PRAG1: variants seen among roughly 807,000 people sequenced by gnomAD.
The protein encoded by PRAG1 is inactive tyrosine-protein kinase PRAG1.
In PRAG1, 110 loss-of-function variants were observed where a neutral mutation model predicts 95.6. The ratio of observed to expected loss-of-function variants is 1.15; its 90% CI spans 0.99 to 1.35. The LOEUF is 1.35. Among genes scored for constraint, PRAG1 ranks in the 40% most tolerant of loss-of-function variants. The pLI is 0.00. For missense variants in PRAG1, 2,554 were observed against 1,864.7 expected (o/e 1.37, Z -6.81); for synonymous variants, 1,052 against 819.4 (o/e 1.28, Z -4.85).
intron 5 of PRAG1, among the ~76,000 whole-genome samples, chr8:8,325,217 G>C (rs1406876416): frequency 1.3e-5 from 2 of 152,200 alleles, no homozygotes; most frequent in African/African-American, 4.8e-5. Context: ...TGATGCTCCA[G>C]GGCCCCCACG....
intron 5 of PRAG1, among the ~76,000 whole-genome samples, chr8:8,325,240 A>C (rs1045866783): frequency 8.6e-5 from 13 of 151,950 alleles, no homozygotes; most frequent in African/African-American, 3.1e-4. Flanking sequence ...CCGCCCCCCC[A>C]ATGACCAGGC....
chr8:8,385,183 G>A (rs1297715922), intron 1 of PRAG1, among the ~76,000 whole-genome samples: 2 of 152,150 alleles, frequency 1.3e-5, no homozygotes, highest in Non-Finnish European at 2.9e-5. Context: ...TGCAACGCCA[G>A]TAAAAGGAAA....
chr8:8,378,137 G>A, intron 2 of PRAG1, 59 bp from the exon 3 acceptor site: 1 of 1,495,996 alleles, frequency 6.7e-7, no homozygotes, highest in Middle Eastern at 1.9e-4. Flanking sequence ...AAAAAAGAGA[G>A]AGAGGAAAAG....
rs186435071 is a variant in PRAG1, at chr8:8,363,801, T to C, written c.2162+12446A>G. On this transcript the variant is annotated intron_variant, in intron 3 of 5. Transcript: ENST00000615670. ...ATGCAGCTTTCCTTAAAAACAGACA[T>C]AGTGTTATTTTATGAAACTGTTTAT... Among the ~76,000 whole-genome samples the C allele has an allele frequency of 3.0e-4, 46 of 152,308 alleles. No homozygotes were observed. The East Asian group carries it at 3.8e-3, about 13-fold the overall frequency.
chr8:8,377,121 G>A lies in PRAG1; in HGVS notation c.1288C>T (p.Gln430Ter), dbSNP rs1286831456. ...KKAAPVPSKS[Q>*]AKIEHAAAAQ... ...GCAGCTGCATGTTCTATCTTGGCCT[G>A]TGACTTGGAAGGCACCGGAGCTGCC... is the stretch of plus-strand genomic sequence containing the variant. Residue 430 changes from glutamine to a stop codon, truncating the protein, a stop_gained, in exon 3 of 6, where the codon CAG (glutamine) becomes TAG (stop). Transcript: ENST00000615670. LOFTEE classifies it high-confidence loss of function. 1 of 1,613,176 alleles carries A rather than the reference G, an allele frequency of 6.2e-7. No homozygotes were observed.
chr8:8,376,357 G>A lies in PRAG1; in HGVS notation c.2052C>T (p.Asn684=), dbSNP rs769256348. ...TGCTCATCCCGGTCCCAACTTTGCTGTTCTGCCCAGAGGAGCCATCTGTGG... is the reference window on the plus strand; with the variant it reads ...TGCTCATCCCGGTCCCAACTTTGCTATTCTGCCCAGAGGAGCCATCTGTGG... ...LHPTDGSSGQ[N]SKVGTGMSKS... The change falls in exon 3 of 6, where the codon AAC becomes AAT. Residue 684 remains asparagine, a synonymous_variant. Coordinates refer to ENST00000615670, the MANE Select transcript of PRAG1 (RefSeq NM_001080826.3). The A allele has an allele frequency of 5.6e-6, 9 of 1,614,236 alleles. No homozygotes were observed. Among genetic ancestry groups the A allele is most frequent in the East Asian group, 2.2e-5 (1 of 44,882 alleles).
Position 8,318,851 on chromosome 8 carries a change from G to T in PRAG1, c.3524C>A (p.Ala1175Asp), listed in dbSNP as rs1273379234. ...AGAGGAGCAGGGAGGCGCGGCGGCG[G>T]CGGGGGCGGGAGCCGGGGCGGGGGC... ...APAPAPAPAP[A>D]AAAPPCSSAA... Residue 1175 changes from alanine (A) to aspartate (D), a missense_variant, in exon 6 of 6, where the codon GCC (alanine) becomes GAC (aspartate). By Grantham distance (126) the Ala-to-Asp change is moderately radical. Coordinates refer to ENST00000615670, the MANE Select transcript of PRAG1 (RefSeq NM_001080826.3). The surrounding 1 kb of genome is among the most constrained non-coding windows in gnomAD (Gnocchi z 4.2). 199 of 1,262,720 alleles carry T rather than the reference G, an allele frequency of 1.6e-4. No homozygotes were observed. Among genetic ancestry groups the T allele is most frequent in the Admixed American group, 2.2e-4 (5 of 22,234 alleles). 78.2% of individuals were successfully genotyped at this position (1,262,720 alleles called of 1,614,324 possible).
At position 8,328,464 on chromosome 8, in the gene PRAG1, G is replaced by C. The variant is rs767711445; in HGVS notation, c.2321-3C>G. The stretch of plus-strand genomic sequence containing the variant: ...GTGAGCCAGCTCAGACGAGGGACCT[G>C]AAGAGGAGAGACAGAAACCATAAGA... On this transcript the variant is annotated splice_polypyrimidine_tract_variant and splice_region_variant and intron_variant, in intron 4 of 5. Transcript: ENST00000615670. 6.2e-7 allele frequency: 1 copy of C among 1,613,060 alleles called. No individual in the cohort carries two copies. The highest frequency in any genetic ancestry group is 1.3e-5 in the African/African-American group (1 of 75,052).
chr8:8,339,016 T>G (rs1320934523), intron 4 of PRAG1, among the ~76,000 whole-genome samples: 1 of 152,168 alleles, frequency 6.6e-6, no homozygotes, highest in Non-Finnish European at 1.5e-5. Context: ...GTAGTCTTCA[T>G]GCTTAATTCA....
rs752826886 is a variant in PRAG1 at position 8,376,710 on chromosome 8, C to T, written c.1699G>A (p.Val567Met). Residue 567 changes from valine to methionine, a missense_variant, in exon 3 of 6, where the codon GTG (valine) becomes ATG (methionine). By Grantham distance (21) the Val-to-Met change is conservative (BLOSUM62 1). Coordinates refer to ENST00000615670, the MANE Select transcript of PRAG1 (RefSeq NM_001080826.3). ...PVSPSAGGPP[V>M]SPLADLSDGS... ...TCACTAAGGTCAGCCAGCGGTGACA[C>T]TGGGGGCCCTCCAGCAGACGGTGAC... 26 of 1,610,776 alleles carry T rather than the reference C, an allele frequency of 1.6e-5. No individual in the cohort carries two copies. The highest frequency in any genetic ancestry group is 1.3e-5 in the African/African-American group (1 of 74,906).
chr8:8,366,990 A>G (rs577608274), intron 3 of PRAG1, among the ~76,000 whole-genome samples: 16 of 152,070 alleles, frequency 1.1e-4, no homozygotes, highest in Non-Finnish European at 2.4e-4. Context: ...GCATTTTAGA[A>G]GACAAATTTT....
chr8:8,369,613 C>G (rs1468096032), intron 3 of PRAG1, among the ~76,000 whole-genome samples: 2 of 152,100 alleles, frequency 1.3e-5, no homozygotes, highest in African/African-American at 4.8e-5. Context: ...ACATGTGATG[C>G]ATTGAGCTCA....
chr8:8,375,816 T>C (rs768204543), intron 3 of PRAG1, among the ~76,000 whole-genome samples: 16 of 152,182 alleles, frequency 1.1e-4, no homozygotes, highest in Non-Finnish European at 1.9e-4. Context: ...TGAGCCATCA[T>C]ACCCAGCCCT....
rs1800666990 is a variant in PRAG1 at position 8,381,515 on chromosome 8, G to A, written c.233C>T (p.Pro78Leu). 1 of 1,614,220 alleles carries A rather than the reference G, an allele frequency of 6.2e-7. No homozygotes were observed. The highest frequency in any genetic ancestry group is 8.5e-7 in the Non-Finnish European group (1 of 1,180,038). Residue 78 changes from proline (P) to leucine (L), a missense_variant, in exon 2 of 6, where the codon CCT becomes CTT. Physicochemically the swap from Pro to Leu is moderately conservative, Grantham distance 98. Transcript: ENST00000615670. ...CACGGCAATTGTGGGCTTGGAGTAAGGTGAGCTGTTCACACCTTCATCTTC... is the reference window on the plus strand; with the variant it reads ...CACGGCAATTGTGGGCTTGGAGTAAAGTGAGCTGTTCACACCTTCATCTTC... ...RLEDEGVNSSPYSKPTIAVKP... is the reference protein window; with the variant it reads ...RLEDEGVNSSLYSKPTIAVKP...
At chr8:8,372,711 C>G (rs1420384560) in intron 3 of PRAG1, among the ~76,000 whole-genome samples, 1 of 152,196 alleles carries the variant, frequency 6.6e-6, no homozygotes, top group Non-Finnish European at 1.5e-5. Flanking sequence ...AGGACAATAT[C>G]TCAAAAAGAC....
At position 8,376,902 on chromosome 8, in the gene PRAG1, G is replaced by A. The variant is rs756764790; in HGVS notation, c.1507C>T (p.Arg503Ter). 88 of 1,613,196 alleles carry A rather than the reference G, an allele frequency of 5.5e-5. No homozygotes were observed. The highest frequency in any genetic ancestry group is 7.3e-5 in the Non-Finnish European group (86 of 1,180,028). The change falls in exon 3 of 6, where the codon CGA (arginine) becomes TGA (stop). Residue 503 changes from arginine to a stop codon, truncating the protein, a stop_gained. Coordinates refer to ENST00000615670, the MANE Select transcript of PRAG1 (RefSeq NM_001080826.3). LOFTEE classifies it high-confidence loss of function. ...PDSAVGVQWP[R>*]GPVSQNSEVG... ...TCGGAGTTCTGGCTCACAGGCCCTC[G>A]TGGCCACTGCACCCCCACTGCAGAG... is the stretch of plus-strand genomic sequence containing the variant.
intron 3 of PRAG1, among the ~76,000 whole-genome samples, chr8:8,350,788 A>G (rs1563241934): frequency 6.6e-6 from 1 of 152,198 alleles, no homozygotes; most frequent in Non-Finnish European, 1.5e-5. Context: ...CATCTATAAA[A>G]TGTGGATAAT....
Position 8,327,702 on chromosome 8 carries a change from G to A in PRAG1, c.3072+8C>T. ...CACAGCAGAATGCAAGGAGGGAGTG[G>A]TACCTACTTTCACAGCATAGGTGCT... On this transcript the variant is annotated splice_region_variant and intron_variant, in intron 5 of 5. Coordinates refer to ENST00000615670, the MANE Select transcript of PRAG1 (RefSeq NM_001080826.3). 1.2e-6 allele frequency: 2 copies of A among 1,604,242 alleles called. No individual in the cohort carries two copies. The highest frequency in any genetic ancestry group is 1.7e-6 in the Non-Finnish European group (2 of 1,173,894).
chr8:8,382,372 A>C (rs1207528956), intron 1 of PRAG1, among the ~76,000 whole-genome samples: 1 of 152,236 alleles, frequency 6.6e-6, no homozygotes, highest in Non-Finnish European at 1.5e-5. Context: ...ACTTCCAACC[A>C]GGTGGAGAAA....
Sources: allele counts gnomAD v4.1 joint callset (sites outside exome capture counted in the v4.1 genomes callset), GRCh38; gene constraint gnomAD v4.1.1; non-coding constraint Gnocchi (gnomAD v3.1); transcripts MANE v1.5; gene names NCBI Gene and HGNC (gene_info 2026-07-23, HGNC 2026-07-21).